LRRK1: variants seen among roughly 807,000 people sequenced by gnomAD.
LRRK1 encodes leucine-rich repeat serine/threonine-protein kinase 1.
LRRK1 carries 113 observed loss-of-function variants against 209.1 expected under a neutral mutation model. The observed-to-expected ratio is 0.54, with a 90% CI of 0.46 to 0.63. LRRK1 has a LOEUF of 0.63. Ranked by LOEUF, LRRK1 falls within the 30% of genes least tolerant of loss-of-function variation. LRRK1 has a pLI of 0.00. For synonymous variants in LRRK1, 1,144 were observed against 1,099.7 expected (o/e 1.04, Z -0.80); for missense variants, 2,284 against 2,632.2 (o/e 0.87, Z 2.89).
intron 2 of LRRK1, among the ~76,000 whole-genome samples, chr15:100,963,215 A>T (rs1381795175): frequency 2.6e-5 from 4 of 151,998 alleles, no homozygotes; most frequent in African/African-American, 9.7e-5. Context: ...TTTTAGCTTG[A>T]TAGCTGGTAA....
intron 29 of LRRK1, 81 bp from the exon 30 acceptor site, chr15:101,061,090 C>A: frequency 9.5e-7 from 1 of 1,054,564 alleles, no homozygotes; most frequent in Non-Finnish European, 1.5e-6. Context: ...AGACGAGGCT[C>A]GCAGCTGGCA....
At chr15:101,037,202 T>C (rs2034525497) in intron 20 of LRRK1, among the ~76,000 whole-genome samples, 1 of 152,154 alleles carries the variant, frequency 6.6e-6, no homozygotes, top group African/African-American at 2.4e-5. Flanking sequence ...CAGGAAAACC[T>C]TGTAGGTCCT....
chr15:100,939,415 C>A (rs2042361027), intron 2 of LRRK1, among the ~76,000 whole-genome samples: 1 of 152,152 alleles, frequency 6.6e-6, no homozygotes, highest in Non-Finnish European at 1.5e-5. Flanking sequence ...GATCCAGAGG[C>A]CTGATTAGAT....
At chr15:101,011,772 A>C (rs1458781721) in intron 9 of LRRK1, among the ~76,000 whole-genome samples, 1 of 152,150 alleles carries the variant, frequency 6.6e-6, no homozygotes, top group African/African-American at 2.4e-5. Flanking sequence ...TCTGGAATGA[A>C]GGAAAAAGAC....
intron 6 of LRRK1, among the ~76,000 whole-genome samples, chr15:101,003,184 T>G (rs557551349): frequency 6.6e-6 from 1 of 152,268 alleles, no homozygotes; most frequent in African/African-American, 2.4e-5. Flanking sequence ...ATTGCACAGG[T>G]TTTTCAACCT....
intron 20 of LRRK1, 125 bp downstream of exon 20, chr15:101,029,357 C>A: frequency 3.9e-6 from 4 of 1,022,344 alleles, no homozygotes; most frequent in South Asian, 3.5e-5. Flanking sequence ...CTGCCCCCTA[C>A]GGACAGGCCA....
chr15:101,048,712 G>C, intron 22 of LRRK1, 55 bp downstream of exon 22: 1 of 1,418,846 alleles, frequency 7.0e-7, no homozygotes, highest in Non-Finnish European at 9.3e-7. Context: ...AGCAGCCACC[G>C]CGGGGCCACG....
chr15:101,026,263 GC>G, intron 17 of LRRK1, 126 bp downstream of exon 17: 2 of 921,952 alleles, frequency 2.2e-6, no homozygotes, highest in Non-Finnish European at 3.3e-6. Flanking sequence ...GCCAAGGGTG[GC>G]CATCCACAGA....
In LRRK1 at chr15:101,065,550, G is replaced by A. The variant is rs1400025585; in HGVS notation, c.5113G>A (p.Val1705Ile). 1 of 1,614,214 alleles carries A rather than the reference G, an allele frequency of 6.2e-7. No homozygotes were observed. Among genetic ancestry groups the A allele is most frequent in the Non-Finnish European group, 8.5e-7 (1 of 1,180,040 alleles). Reference protein sequence around the residue: ...AMEVVNSGSEVWYSNGPGLLV... With the variant: ...AMEVVNSGSEIWYSNGPGLLV... Reference sequence around the variant, plus strand: ...GGAGGTGGTCAACAGCGGCTCTGAGGTCTGGTACAGCAATGGGCCGGGCCT... The same window carrying A: ...GGAGGTGGTCAACAGCGGCTCTGAGATCTGGTACAGCAATGGGCCGGGCCT... The change falls in exon 32 of 34, where the codon GTC (valine) becomes ATC (isoleucine). Residue 1705 changes from valine to isoleucine, a missense_variant. Physicochemically the swap from Val to Ile is conservative, Grantham distance 29 (BLOSUM62 3). Transcript: ENST00000388948.
intron 21 of LRRK1, 86 bp from the exon 22 acceptor site, chr15:101,048,408 G>T: frequency 8.2e-7 from 1 of 1,219,922 alleles, no homozygotes; most frequent in South Asian, 1.5e-5. Flanking sequence ...TATCAAGATG[G>T]GGCCCAGCCC....
At chr15:100,967,119 C>T (rs1357260246) in intron 2 of LRRK1, among the ~76,000 whole-genome samples, 1 of 152,214 alleles carries the variant, frequency 6.6e-6, no homozygotes, top group Admixed American at 6.5e-5. Flanking sequence ...GGGATGACAG[C>T]AGTTGATTCT....
chr15:101,018,440 G>A (rs1387090524), intron 12 of LRRK1, among the ~76,000 whole-genome samples: 1 of 152,162 alleles, frequency 6.6e-6, no homozygotes, highest in Non-Finnish European at 1.5e-5. Context: ...CATGCCAGGC[G>A]GGATGATGGG....
In LRRK1 at chr15:101,005,555, C is replaced by T. The variant is rs113705197; in HGVS notation, c.763-3282C>T. On this transcript the variant is annotated intron_variant, in intron 6 of 33. Coordinates refer to ENST00000388948, the MANE Select transcript of LRRK1 (RefSeq NM_024652.6). ...TCAATGGGCTGAAAAGCAGTGACAC[C>T]CCAGCGGTGATGAGCACACCTCACA... 7.7e-3 allele frequency among the ~76,000 whole-genome samples: 1,165 copies of T among 152,244 alleles called. 14 individuals are homozygous for T. The highest frequency in any genetic ancestry group is 0.024 in the African/African-American group (1,000 of 41,536).
At chr15:101,066,984 C>G (rs1451725645) in intron 33 of LRRK1, among the ~76,000 whole-genome samples, 1 of 152,238 alleles carries the variant, frequency 6.6e-6, no homozygotes. Flanking sequence ...AAGTACCCTA[C>G]CTAGTACCCT....
intron 20 of LRRK1, among the ~76,000 whole-genome samples, chr15:101,045,396 C>T (rs1023704075): frequency 1.3e-5 from 2 of 152,188 alleles, no homozygotes; most frequent in African/African-American, 4.8e-5. Context: ...AAGCCCTTGC[C>T]GATGCAATGA....
intron 2 of LRRK1, among the ~76,000 whole-genome samples, chr15:100,957,059 T>A (rs980596368): frequency 3.3e-5 from 5 of 152,230 alleles, no homozygotes; most frequent in Non-Finnish European, 7.3e-5. Context: ...CCATTGGTTG[T>A]TCAGGAGTAT....
At chr15:100,953,106 A>G (rs1489952528) in intron 2 of LRRK1, among the ~76,000 whole-genome samples, 2 of 152,194 alleles carry the variant, frequency 1.3e-5, no homozygotes, top group Non-Finnish European at 2.9e-5. Flanking sequence ...CTACCATTTC[A>G]CATAATTACC....
intron 32 of LRRK1, among the ~76,000 whole-genome samples, 195 bp from the exon 33 acceptor site, chr15:101,066,445 C>T (rs1272585579): frequency 6.6e-6 from 1 of 152,276 alleles, no homozygotes; most frequent in Non-Finnish European, 1.5e-5. Context: ...AGGAAAGCCA[C>T]AGTCAACTGT....
intron 33 of LRRK1, among the ~76,000 whole-genome samples, chr15:101,067,679 G>A (rs1184633300): frequency 2.6e-5 from 4 of 152,210 alleles, no homozygotes; most frequent in Non-Finnish European, 5.9e-5. Context: ...TGAGTCCTGG[G>A]CCAGTGACCC....
Sources: gnomAD v4.1 joint callset for allele counts (sites outside exome capture counted in the v4.1 genomes callset) on GRCh38, gnomAD v4.1.1 for gene constraint, MANE v1.5 for transcripts, NCBI Gene and HGNC (gene_info 2026-07-23, HGNC 2026-07-21) for gene names.